FBXW7: variants seen among roughly 807,000 people sequenced by gnomAD.
FBXW7 encodes F-box/WD repeat-containing protein 7.
Under a neutral mutation model 86.3 loss-of-function variants are expected in FBXW7, and 11 were observed. That is an observed-to-expected ratio of 0.13 (90% CI 0.08 to 0.21). The LOEUF (loss-of-function observed/expected upper bound fraction) is 0.21, where lower values mean the gene tolerates loss of function less well. Among genes scored for constraint, FBXW7 ranks in the 10% least tolerant of loss-of-function variants. FBXW7 has a pLI of 1.00. For missense variants in FBXW7, 488 were observed against 847.4 expected, an observed-to-expected ratio of 0.58 and a Z score of 5.27; for synonymous variants, 313 against 297.9, an observed-to-expected ratio of 1.05 and a Z score of -0.52.
intron 4 of FBXW7, among the ~76,000 whole-genome samples, chr4:152,376,822 T>TATC (rs1435125016): frequency 6.6e-6 from 1 of 152,024 alleles, no homozygotes; most frequent in African/African-American, 2.4e-5. Context: ...GACCCTGAAG[T>TATC]ATCATCCCTC....
intron 4 of FBXW7, among the ~76,000 whole-genome samples, chr4:152,359,927 A>T (rs1374272900): frequency 1.3e-5 from 2 of 152,170 alleles, no homozygotes; most frequent in Middle Eastern, 3.2e-3. Context: ...TAAAAAACAG[A>T]AGTTTGATAA....
intron 2 of FBXW7, among the ~76,000 whole-genome samples, chr4:152,471,503 G>A (rs1339227219): frequency 9.7e-6 from 1 of 102,652 alleles, no homozygotes; most frequent in East Asian, 3.5e-4. Flanking sequence ...GAGGGAAGGG[G>A]AAGGGAATGG....
At chr4:152,476,175 C>T (rs1238946302) in intron 2 of FBXW7, among the ~76,000 whole-genome samples, 1 of 152,062 alleles carries the variant, frequency 6.6e-6, no homozygotes, top group African/African-American at 2.4e-5. Flanking sequence ...AATATACTTA[C>T]AAATAAGGGC....
In FBXW7 at chr4:152,322,145, A is replaced by G. The variant is rs984817448; in HGVS notation, c.*736T>C. The G allele has an allele frequency of 4.3e-6, 1 of 233,228 alleles. No individual in the cohort carries two copies. Among genetic ancestry groups the G allele is most frequent in the Non-Finnish European group, 8.5e-6 (1 of 117,822 alleles). 14.4% of individuals were successfully genotyped at this position (233,228 alleles called of 1,614,324 possible). On this transcript the variant is annotated 3_prime_UTR_variant, in exon 14 of 14. Transcript: ENST00000281708. ...AGTACAGGGTTGGGACAACAATCCC[A>G]TATTTGAAGACCTACTTCTAGCACC... is the stretch of plus-strand genomic sequence containing the variant.
At chr4:152,526,224 T>C (rs74586423) in intron 2 of FBXW7, among the ~76,000 whole-genome samples, 2,224 of 152,318 alleles carry the variant, frequency 0.015, 27 homozygotes, top group Middle Eastern at 0.037. Flanking sequence ...AGTATTTTCT[T>C]CCAAGAATGT....
At chr4:152,352,531 A>G (rs1453500125) in intron 4 of FBXW7, 1 of 1,613,842 alleles carries the variant, frequency 6.2e-7, no homozygotes, top group Non-Finnish European at 8.5e-7. Flanking sequence ...TTTCCCCTTC[A>G]GTGATTCTGT....
intron 6 of FBXW7, 89 bp from the exon 7 acceptor site, chr4:152,338,025 A>G (rs1730335145): frequency 7.4e-7 from 1 of 1,357,094 alleles, no homozygotes; most frequent in South Asian, 1.4e-5. Context: ...ACACACAACC[A>G]TAGTTGATCA....
intron 6 of FBXW7, among the ~76,000 whole-genome samples, chr4:152,342,246 T>G (rs573926684): frequency 6.6e-6 from 1 of 151,756 alleles, no homozygotes; most frequent in African/African-American, 2.4e-5. Context: ...TAGAGAAGAG[T>G]AGAAGGAGCA....
chr4:152,354,771 T>C (rs927484056), intron 4 of FBXW7, among the ~76,000 whole-genome samples: 1 of 152,076 alleles, frequency 6.6e-6, no homozygotes, highest in African/African-American at 2.4e-5. Context: ...CAAATATTGT[T>C]TGTATGTGGG....
intron 4 of FBXW7, among the ~76,000 whole-genome samples, chr4:152,376,770 T>C (rs1439894334): frequency 6.6e-6 from 1 of 152,070 alleles, no homozygotes; most frequent in Non-Finnish European, 1.5e-5. Context: ...CTTTTGAGGA[T>C]AGTCACCTGT....
chr4:152,499,854 T>C (rs1746753794), intron 2 of FBXW7, among the ~76,000 whole-genome samples: 1 of 152,102 alleles, frequency 6.6e-6, no homozygotes, highest in African/African-American at 2.4e-5. Context: ...TAAAGTAGGA[T>C]CTTAATAGGC....
intron 2 of FBXW7, among the ~76,000 whole-genome samples, chr4:152,503,299 C>CT (rs1181555779): frequency 2.7e-5 from 4 of 150,286 alleles, no homozygotes; most frequent in African/African-American, 1.0e-4. Context: ...TTGAGACAGT[C>CT]TCGCTCTGTT....
intron 2 of FBXW7, among the ~76,000 whole-genome samples, chr4:152,427,492 C>T (rs1739491177): frequency 6.6e-6 from 1 of 152,194 alleles, no homozygotes; most frequent in Admixed American, 6.5e-5. Context: ...TTCCAATTAA[C>T]CTCTGCAATT....
chr4:152,420,687 G>T (rs189203773), intron 2 of FBXW7, among the ~76,000 whole-genome samples: 1 of 152,272 alleles, frequency 6.6e-6, no homozygotes, highest in East Asian at 1.9e-4. Context: ...CAGAGTTCTT[G>T]GGTTACCAGG....
intron 4 of FBXW7, among the ~76,000 whole-genome samples, chr4:152,368,350 G>A (rs1187366753): frequency 2.0e-5 from 3 of 152,068 alleles, no homozygotes; most frequent in Non-Finnish European, 4.4e-5. Flanking sequence ...CTATTAAATA[G>A]AGGTAGGGGG....
intron 6 of FBXW7, among the ~76,000 whole-genome samples, chr4:152,342,128 C>A (rs1730804744): frequency 6.6e-6 from 1 of 152,018 alleles, no homozygotes; most frequent in South Asian, 2.1e-4. Context: ...GAAAAACATT[C>A]CAGGTTCAGA....
intron 4 of FBXW7, among the ~76,000 whole-genome samples, chr4:152,386,597 A>T (rs958144373): frequency 3.9e-5 from 6 of 152,070 alleles, no homozygotes; most frequent in African/African-American, 1.4e-4. Context: ...AAAACATATT[A>T]TTTGTAAGTT....
At chr4:152,503,667 G>A (rs919224275) in intron 2 of FBXW7, among the ~76,000 whole-genome samples, 2 of 149,120 alleles carry the variant, frequency 1.3e-5, no homozygotes, top group African/African-American at 2.5e-5. Context: ...AAAAAATCAA[G>A]AGTGGCATAG....
At chr4:152,413,842 T>C (rs1045143504) in intron 2 of FBXW7, among the ~76,000 whole-genome samples, 2 of 152,190 alleles carry the variant, frequency 1.3e-5, no homozygotes, top group African/African-American at 2.4e-5. Context: ...CAACTCTGCA[T>C]GCATGCATTT....
Sources: gnomAD v4.1 joint callset for allele counts (sites outside exome capture counted in the v4.1 genomes callset) on GRCh38, gnomAD v4.1.1 for gene constraint, MANE v1.5 for transcripts, NCBI Gene and HGNC (gene_info 2026-07-23, HGNC 2026-07-21) for gene names.